CACNB4: variants seen among roughly 807,000 people sequenced by gnomAD.
CACNB4 encodes calcium voltage-gated channel auxiliary subunit beta 4, also known as voltage-dependent L-type calcium channel subunit beta-4.
Under a neutral mutation model 71.2 loss-of-function variants are expected in CACNB4, and 32 were observed. The ratio of observed to expected loss-of-function variants is 0.45; its 90% confidence interval spans 0.34 to 0.60. CACNB4 has a LOEUF of 0.60. Among genes scored for constraint, CACNB4 ranks in the 20% least tolerant of loss-of-function variants. The probability of loss-of-function intolerance (pLI) is 0.01; values close to 1 mark genes in which losing one functional copy is unlikely to be tolerated. For synonymous variants in CACNB4, 231 were observed against 236.9 expected, an observed-to-expected ratio of 0.97 and a Z score of 0.23; for missense variants, 464 against 647.9, an observed-to-expected ratio of 0.72 and a Z score of 3.08.
At chr2:151,961,908 A>G (rs935492920) in intron 2 of CACNB4, among the ~76,000 whole-genome samples, 3 of 145,272 alleles carry the variant, frequency 2.1e-5, no homozygotes, top group African/African-American at 7.6e-5. Context: ...AATAAAAAAA[A>G]GAATGTCTCC....
chr2:152,049,629 C>A (rs545668138), intron 2 of CACNB4, among the ~76,000 whole-genome samples: 3 of 151,968 alleles, frequency 2.0e-5, no homozygotes, highest in African/African-American at 7.3e-5. Context: ...CTCTCCCTGA[C>A]CTTCTTCACC....
At chr2:151,841,873 TA>T in intron 13 of CACNB4, 29 bp downstream of exon 13, 1 of 1,603,530 alleles carries the variant, frequency 6.2e-7, no homozygotes, top group Non-Finnish European at 8.5e-7. Context: ...TGTAAGGTTG[TA>T]AAAAGCATGA....
chr2:151,896,775 G>C (rs759354562), intron 2 of CACNB4, among the ~76,000 whole-genome samples: 10 of 152,194 alleles, frequency 6.6e-5, no homozygotes, highest in Non-Finnish European at 1.2e-4. Context: ...TTTGGAACTA[G>C]GAAATAGGGT....
At chr2:152,044,434 G>A (rs938082875) in intron 2 of CACNB4, among the ~76,000 whole-genome samples, 1 of 152,108 alleles carries the variant, frequency 6.6e-6, no homozygotes, top group Admixed American at 6.6e-5. Flanking sequence ...TGGTCAGGCT[G>A]GTCTGGAACT....
At position 151,870,651 on chromosome 2, in the gene CACNB4, G is replaced by C. The variant is rs1578550764; in HGVS notation, c.619-40C>G. ...TCGACACGCGTGACAAGGTGAGGTTGAGCATGCCTCTCCACAGCCACAACA... is the reference window on the plus strand; with the variant it reads ...TCGACACGCGTGACAAGGTGAGGTTCAGCATGCCTCTCCACAGCCACAACA... On this transcript the variant is annotated intron_variant, in intron 7 of 13. Transcript: ENST00000539935. The C allele has an allele frequency of 1.2e-5, 18 of 1,497,328 alleles. No individual in the cohort carries two copies. In the East Asian group the frequency reaches 4.1e-4, roughly 34 times the overall value. The allele number at this position is 1,497,328 out of a possible 1,614,324, so 92.8% of individuals were successfully genotyped here.
Position 152,070,540 on chromosome 2 carries a change from C to T in CACNB4, c.147+27790G>A, listed in dbSNP as rs997405960. Among the ~76,000 whole-genome samples the T allele has an allele frequency of 4.6e-5, 7 of 151,976 alleles. No individual in the cohort carries two copies. The East Asian group carries it at 1.2e-3, about 25-fold the overall frequency. ...CAAAAATGGGTGTTCACGGAAACCACACAAGAAGAAGACAGGCTTGGTTTT... is the reference window on the plus strand; with the variant it reads ...CAAAAATGGGTGTTCACGGAAACCATACAAGAAGAAGACAGGCTTGGTTTT... On this transcript the variant is annotated intron_variant, in intron 2 of 13. Transcript: ENST00000539935.
At chr2:151,898,808 T>G (rs532846448) in intron 2 of CACNB4, among the ~76,000 whole-genome samples, 1 of 152,324 alleles carries the variant, frequency 6.6e-6, no homozygotes, top group South Asian at 2.1e-4. Flanking sequence ...TGAAATAAAT[T>G]AACAAATGTT....
chr2:151,850,708 C>T (rs2099838854), intron 12 of CACNB4: 2 of 152,170 alleles, frequency 1.3e-5, no homozygotes, highest in South Asian at 2.1e-4. Context: ...GCTGTGCACA[C>T]TATTTGTCCT....
At chr2:151,977,809 A>C (rs985834183) in intron 2 of CACNB4, among the ~76,000 whole-genome samples, 1 of 152,244 alleles carries the variant, frequency 6.6e-6, no homozygotes, top group Non-Finnish European at 1.5e-5. Flanking sequence ...ACAAAGGAAT[A>C]ATGTTGGGAC....
At position 151,835,874 on chromosome 2, in the gene CACNB4, ATTTG is replaced by A. The variant is rs953030566; in HGVS notation, c.*3241_*3244del. 9.7e-4 allele frequency: 147 copies of A among 151,946 alleles called. No homozygotes were observed. The highest frequency in any genetic ancestry group is 3.5e-3 in the African/African-American group (146 of 41,544). The allele number at this position is 151,946 out of a possible 1,614,324, so 9.4% of individuals were successfully genotyped here. On this transcript the variant is annotated 3_prime_UTR_variant, in exon 14 of 14. Transcript: ENST00000539935. ...AAAGGAAACAAATAATTGTCTCAGA[ATTTG>A]TTTTACATTAATAAAATTCATTTCA...
intron 2 of CACNB4, among the ~76,000 whole-genome samples, chr2:152,040,073 A>G (rs2709766): frequency 1 from 151,676 of 152,326 alleles, 75,521 homozygotes; most frequent in Middle Eastern, 1. Context: ...GATGGCCCCC[A>G]GTTTTCATTG....
intron 2 of CACNB4, among the ~76,000 whole-genome samples, chr2:151,931,050 C>T (rs1385080652): frequency 6.6e-6 from 1 of 152,160 alleles, no homozygotes; most frequent in Non-Finnish European, 1.5e-5. Context: ...AAACACAAAA[C>T]ATGCCAGAAC....
At position 151,880,843 on chromosome 2, in the gene CACNB4, G is replaced by A; in HGVS notation, c.347C>T (p.Thr116Ile). Residue 116 changes from threonine to isoleucine, a missense_variant, in exon 4 of 14, where the codon ACA becomes ATA. Thr to Ile is a moderately conservative substitution (Grantham distance 89). Transcript: ENST00000539935. Reference sequence around the variant, plus strand: ...GTCTTTAGCATCAAAGGAGATAGCTGTGCTTGGAACAGGCACATCCTCGTC... The same window carrying A: ...GTCTTTAGCATCAAAGGAGATAGCTATGCTTGGAACAGGCACATCCTCGTC... ...ALDEDVPVPS[T>I]AISFDAKDFL... The A allele has an allele frequency of 6.2e-7, 1 of 1,613,714 alleles. No individual in the cohort carries two copies. The highest frequency in any genetic ancestry group is 8.5e-7 in the Non-Finnish European group (1 of 1,179,726).
intron 13 of CACNB4, among the ~76,000 whole-genome samples, chr2:151,840,602 C>T (rs35409582): frequency 0.097 from 14,763 of 152,188 alleles, 804 homozygotes; most frequent in African/African-American, 0.13. Context: ...CTAATGCATG[C>T]GTATGTGCTG....
At chr2:151,953,866 T>C (rs2099867540) in intron 2 of CACNB4, among the ~76,000 whole-genome samples, 1 of 152,250 alleles carries the variant, frequency 6.6e-6, no homozygotes, top group South Asian at 2.1e-4. Flanking sequence ...AAACAGTCCT[T>C]TGGTAACACT....
chr2:151,938,847 A>G (rs531683025), intron 2 of CACNB4, among the ~76,000 whole-genome samples: 4 of 152,302 alleles, frequency 2.6e-5, no homozygotes, highest in Admixed American at 6.5e-5. Context: ...TTGTAAATAC[A>G]ATGGAAAGGT....
chr2:152,036,296 C>T (rs542905097), intron 2 of CACNB4, among the ~76,000 whole-genome samples: 10 of 152,162 alleles, frequency 6.6e-5, no homozygotes, highest in South Asian at 2.1e-4. Context: ...GGTTAAAATG[C>T]TAAATTTTAT....
chr2:151,919,024 G>A lies in CACNB4; in HGVS notation c.148-35654C>T, dbSNP rs549515238. ...CGTAATATATGGAAGGTGTGATTTC[G>A]CCTAGAGCCAACCACAGGGGTAAGT... is the stretch of plus-strand genomic sequence containing the variant. On this transcript the variant is annotated intron_variant, in intron 2 of 13. Transcript: ENST00000539935. Among the ~76,000 whole-genome samples the A allele has an allele frequency of 7.2e-5, 11 of 152,232 alleles. No homozygotes were observed. The South Asian group carries it at 1.2e-3, about 17-fold the overall frequency.
intron 2 of CACNB4, among the ~76,000 whole-genome samples, chr2:151,885,413 C>T (rs1329916692): frequency 6.6e-6 from 1 of 152,178 alleles, no homozygotes; most frequent in Non-Finnish European, 1.5e-5. Flanking sequence ...TCAGGTAGTT[C>T]AGCCTTAGAG....
Sources: allele counts gnomAD v4.1 joint callset (sites outside exome capture counted in the v4.1 genomes callset), GRCh38; gene constraint gnomAD v4.1.1; transcripts MANE v1.5; gene names NCBI Gene and HGNC (gene_info 2026-07-23, HGNC 2026-07-21).